Variants in AFF3 observed in about 807,000 individuals in gnomAD.
AFF3 encodes the protein AF4/FMR2 family member 3.
Under a neutral mutation model 129.7 loss-of-function variants are expected in AFF3, and 32 were observed. That is an observed-to-expected ratio of 0.25 (90% CI 0.19 to 0.33). The LOEUF is 0.33. Ranked by LOEUF, AFF3 falls within the 10% of genes least tolerant of loss-of-function variation. The pLI, the probability that AFF3 is intolerant of heterozygous loss-of-function variation, is 1.00. For synonymous variants in AFF3, 644 were observed against 635.4 expected (o/e 1.01, Z -0.20); for missense variants, 1,373 against 1,592.0 (o/e 0.86, Z 2.34).
intron 10 of AFF3, among the ~76,000 whole-genome samples, chr2:99,728,255 G>A (rs936619873): frequency 6.6e-6 from 1 of 152,160 alleles, no homozygotes; most frequent in African/African-American, 2.4e-5. Flanking sequence ...GCGTGGGCTC[G>A]TGTGTTTCCT....
chr2:99,908,459 A>T (rs1050203422), intron 7 of AFF3, among the ~76,000 whole-genome samples: 3 of 152,220 alleles, frequency 2.0e-5, no homozygotes, highest in Non-Finnish European at 4.4e-5. Flanking sequence ...TGGCAACAAA[A>T]GCCAAAATTG....
intron 13 of AFF3, among the ~76,000 whole-genome samples, chr2:99,644,350 T>C (rs1575584976): frequency 7.5e-6 from 1 of 132,554 alleles, no homozygotes; most frequent in East Asian, 2.5e-4. Context: ...TGCTCGTTCC[T>C]CTCTCTTTTT....
chr2:100,029,939 T>C (rs1282176292), intron 4 of AFF3, among the ~76,000 whole-genome samples: 1 of 152,090 alleles, frequency 6.6e-6, no homozygotes, highest in East Asian at 1.9e-4. Flanking sequence ...TGGTGGTATG[T>C]GCCTGTAGTC....
At chr2:99,575,759 T>C (rs935937255) in intron 18 of AFF3, among the ~76,000 whole-genome samples, 2 of 152,176 alleles carry the variant, frequency 1.3e-5, no homozygotes, top group African/African-American at 4.8e-5. Flanking sequence ...TCTATATCCA[T>C]AAAAGGAGAA....
At chr2:99,720,594 C>A (rs1427535115) in intron 11 of AFF3, among the ~76,000 whole-genome samples, 1 of 152,166 alleles carries the variant, frequency 6.6e-6, no homozygotes, top group Non-Finnish European at 1.5e-5. Context: ...TCTGTAATAG[C>A]AACACTAAAT....
rs12623820 is a variant in AFF3 at position 99,642,522 on chromosome 2, G to A, written c.1184+7104C>T. 2.1e-3 allele frequency among the ~76,000 whole-genome samples: 320 copies of A among 152,288 alleles called. 4 individuals carry two copies. The East Asian group carries it at 0.033, about 16-fold the overall frequency. Reference sequence around the variant, plus strand: ...AATTATTTCCTCTTTTAAGCCCAAAGTTGCCATTATTTTAACCACAAAGCA... The same window carrying A: ...AATTATTTCCTCTTTTAAGCCCAAAATTGCCATTATTTTAACCACAAAGCA... On this transcript the variant is annotated intron_variant, in intron 13 of 24. Transcript: ENST00000672756.
At chr2:99,848,043 A>C (rs1380532624) in intron 7 of AFF3, among the ~76,000 whole-genome samples, 1 of 152,086 alleles carries the variant, frequency 6.6e-6, no homozygotes, top group African/African-American at 2.4e-5. Flanking sequence ...GCACTTCAGG[A>C]GGCCAACGTG....
chr2:99,695,605 A>G (rs972480746), intron 11 of AFF3, among the ~76,000 whole-genome samples: 1 of 152,202 alleles, frequency 6.6e-6, no homozygotes, highest in African/African-American at 2.4e-5. Context: ...GCTGCCACAC[A>G]GGACAGACAG....
intron 7 of AFF3, among the ~76,000 whole-genome samples, chr2:99,856,588 G>T (rs1046173231): frequency 6.6e-6 from 1 of 152,122 alleles, no homozygotes; most frequent in Non-Finnish European, 1.5e-5. Context: ...GAGATAAATT[G>T]ATTCTTATGG....
intron 7 of AFF3, among the ~76,000 whole-genome samples, chr2:99,859,708 A>G (rs1690829802): frequency 6.6e-6 from 1 of 152,228 alleles, no homozygotes; most frequent in Admixed American, 6.5e-5. Context: ...TACTCTTGGT[A>G]CAGAATATTT....
chr2:100,139,480 T>G (rs1692775234), intron 1 of AFF3, among the ~76,000 whole-genome samples: 1 of 152,208 alleles, frequency 6.6e-6, no homozygotes, highest in Admixed American at 6.5e-5. Context: ...CAAATTGTCG[T>G]GTTTATTAGT....
intron 7 of AFF3, among the ~76,000 whole-genome samples, chr2:99,954,933 A>C (rs1676498498): frequency 6.6e-6 from 1 of 151,756 alleles, no homozygotes; most frequent in Non-Finnish European, 1.5e-5. Flanking sequence ...AAATAAAATA[A>C]AGAAAAAAAA....
chr2:99,639,616 T>C (rs1683993900), intron 13 of AFF3, among the ~76,000 whole-genome samples: 8 of 152,200 alleles, frequency 5.3e-5, no homozygotes, highest in Admixed American at 5.2e-4. Context: ...TGAGACCAAT[T>C]CTTTGGAGAT....
chr2:100,069,383 T>G (rs149520188), intron 4 of AFF3, among the ~76,000 whole-genome samples: 306 of 152,340 alleles, frequency 2.0e-3, no homozygotes, highest in African/African-American at 7.0e-3. Context: ...AGTCCAATTT[T>G]GGAAACCACC....
At chr2:100,047,333 C>T (rs1685917144) in intron 4 of AFF3, among the ~76,000 whole-genome samples, 1 of 152,230 alleles carries the variant, frequency 6.6e-6, no homozygotes, top group South Asian at 2.1e-4. Context: ...TGTAGTCCTT[C>T]CCTTTGTTCC....
intron 4 of AFF3, among the ~76,000 whole-genome samples, chr2:100,010,182 C>T (rs1682387508): frequency 6.6e-6 from 1 of 152,030 alleles, no homozygotes; most frequent in Non-Finnish European, 1.5e-5. Context: ...GCTTTAGGTG[C>T]CACAAAATCC....
chr2:100,007,505 A>C, intron 5 of AFF3, 45 bp from the exon 6 acceptor site: 1 of 1,539,616 alleles, frequency 6.5e-7, no homozygotes, highest in Non-Finnish European at 8.8e-7. Context: ...GAGACAACAG[A>C]AACACCGGAG....
intron 7 of AFF3, among the ~76,000 whole-genome samples, chr2:99,846,077 C>G (rs1689698810): frequency 6.6e-6 from 1 of 152,030 alleles, no homozygotes; most frequent in South Asian, 2.1e-4. Flanking sequence ...CGTGATCCAC[C>G]TGCCTCAGCC....
intron 7 of AFF3, among the ~76,000 whole-genome samples, chr2:99,889,473 CTATGACAGA>C (rs1693377266): frequency 6.6e-6 from 1 of 152,228 alleles, no homozygotes; most frequent in African/African-American, 2.4e-5. Flanking sequence ...TGTGTTCTCA[CTATGACAGA>C]TTTATATGAA....
Sources: gnomAD v4.1 joint callset for allele counts (sites outside exome capture counted in the v4.1 genomes callset) on GRCh38, gnomAD v4.1.1 for gene constraint, MANE v1.5 for transcripts, NCBI Gene and HGNC (gene_info 2026-07-23, HGNC 2026-07-21) for gene names.